Variants in LUZP2 observed in about 807,000 individuals in gnomAD.
The protein encoded by LUZP2 is leucine zipper protein 2.
In LUZP2, 52 loss-of-function variants were observed where a neutral mutation model predicts 51.6. The ratio of observed to expected loss-of-function variants is 1.01; its 90% CI spans 0.81 to 1.27. The LOEUF (loss-of-function observed/expected upper bound fraction) is 1.27. LUZP2 is among the 50% of genes most tolerant of loss of function. LUZP2 has a pLI of 0.00. For missense variants in LUZP2, 436 were observed against 395.4 expected (o/e 1.10, Z -0.87); for synonymous variants, 154 against 137.3 (o/e 1.12, Z -0.85).
intron 5 of LUZP2, among the ~76,000 whole-genome samples, chr11:24,874,514 C>T (rs995286396): frequency 6.6e-6 from 1 of 152,100 alleles, no homozygotes; most frequent in Non-Finnish European, 1.5e-5. Context: ...GCACTCCAAT[C>T]CCACTGTGCC....
chr11:24,552,770 C>T (rs1851757779), intron 1 of LUZP2, among the ~76,000 whole-genome samples: 1 of 151,760 alleles, frequency 6.6e-6, no homozygotes, highest in Non-Finnish European at 1.5e-5. Context: ...TCTGGGTAAA[C>T]ATTTAAATCC....
chr11:24,512,891 A>C (rs569291358), intron 1 of LUZP2, among the ~76,000 whole-genome samples: 1 of 152,070 alleles, frequency 6.6e-6, no homozygotes, highest in South Asian at 2.1e-4. Context: ...CTGGGACTGC[A>C]GGCACATGCT....
At chr11:24,805,635 A>G (rs1199399978) in intron 5 of LUZP2, among the ~76,000 whole-genome samples, 1 of 152,208 alleles carries the variant, frequency 6.6e-6, no homozygotes, top group East Asian at 1.9e-4. Context: ...AATGTCAGAA[A>G]TAATCCCTGG....
Position 24,983,208 on chromosome 11 carries a change from G to A in LUZP2, c.680G>A (p.Ser227Asn). 6.2e-7 allele frequency: 1 copy of A among 1,612,228 alleles called. No individual in the cohort carries two copies. Residue 227 changes from serine to asparagine, a missense_variant, in exon 9 of 12, where the codon AGT becomes AAT. Transcript: ENST00000336930. ...CGTGATCAGCCTCCTCCCCCTTTGA[G>A]TTTAATCACATCAAATCCAACTCGG... Reference protein sequence around the residue: ...VFRDQPPPPLSLITSNPTRML... With the variant: ...VFRDQPPPPLNLITSNPTRML...
intron 1 of LUZP2, among the ~76,000 whole-genome samples, chr11:24,570,099 C>T (rs1852385478): frequency 6.6e-6 from 1 of 151,980 alleles, no homozygotes; most frequent in South Asian, 2.1e-4. Context: ...ATCCAAATTA[C>T]TCTTTATTCA....
At chr11:24,511,232 T>G (rs1850300568) in intron 1 of LUZP2, among the ~76,000 whole-genome samples, 1 of 152,196 alleles carries the variant, frequency 6.6e-6, no homozygotes, top group Non-Finnish European at 1.5e-5. Context: ...AGTAAGCCCT[T>G]ATTTAATGCC....
At chr11:24,857,608 G>T (rs1003433419) in intron 5 of LUZP2, among the ~76,000 whole-genome samples, 14 of 149,882 alleles carry the variant, frequency 9.3e-5, no homozygotes, top group Non-Finnish European at 1.5e-5. Context: ...TTAAATCAGT[G>T]CTAATATATG....
intron 5 of LUZP2, among the ~76,000 whole-genome samples, chr11:24,795,554 GA>G (rs1849523148): frequency 6.6e-6 from 1 of 152,088 alleles, no homozygotes; most frequent in Non-Finnish European, 1.5e-5. Flanking sequence ...TCATGATTAA[GA>G]AACAAAGGCC....
intron 7 of LUZP2, among the ~76,000 whole-genome samples, chr11:24,930,472 T>C (rs1360283620): frequency 2.0e-5 from 3 of 152,180 alleles, no homozygotes; most frequent in African/African-American, 4.8e-5. Context: ...GATTCATCTT[T>C]ATTTATGAAG....
At chr11:24,809,387 T>C (rs1484166440) in intron 5 of LUZP2, among the ~76,000 whole-genome samples, 1 of 152,018 alleles carries the variant, frequency 6.6e-6, no homozygotes, top group African/African-American at 2.4e-5. Flanking sequence ...GTTTCCTTTT[T>C]ACTGCACACT....
At chr11:24,830,357 A>T (rs1191102011) in intron 5 of LUZP2, among the ~76,000 whole-genome samples, 2 of 152,128 alleles carry the variant, frequency 1.3e-5, no homozygotes, top group African/African-American at 4.8e-5. Flanking sequence ...TATTGTCCAT[A>T]TGATTCTCCT....
At chr11:24,884,131 C>G (rs114501616) in intron 5 of LUZP2, among the ~76,000 whole-genome samples, 531 of 152,100 alleles carry the variant, frequency 3.5e-3, no homozygotes, top group African/African-American at 0.01. Context: ...TTATTCTGCA[C>G]AGTTGGAACT....
At chr11:24,588,620 CAAAT>C (rs1274671799) in intron 1 of LUZP2, among the ~76,000 whole-genome samples, 3 of 100,004 alleles carry the variant, frequency 3.0e-5, no homozygotes, top group Admixed American at 1.3e-4. Context: ...TAGAAACAAA[CAAAT>C]AAAGGAATAA....
chr11:25,035,096 G>A (rs1857810538), intron 9 of LUZP2, among the ~76,000 whole-genome samples: 1 of 152,024 alleles, frequency 6.6e-6, no homozygotes, highest in Non-Finnish European at 1.5e-5. Context: ...AAATCAAAAA[G>A]CTTGAACCAT....
At chr11:24,551,007 T>A (rs11028005) in intron 1 of LUZP2, among the ~76,000 whole-genome samples, 52,963 of 151,926 alleles carry the variant, frequency 0.35, 9,640 homozygotes, top group Middle Eastern at 0.49. Flanking sequence ...ATAACAGGTA[T>A]GCTTGTATCT....
chr11:24,899,299 C>G (rs571259952), intron 5 of LUZP2, among the ~76,000 whole-genome samples: 1 of 151,794 alleles, frequency 6.6e-6, no homozygotes, highest in South Asian at 2.1e-4. Context: ...AGAGTGTGAT[C>G]TTTTGTTTCA....
intron 1 of LUZP2, among the ~76,000 whole-genome samples, chr11:24,574,727 C>T (rs12284708): frequency 3.3e-5 from 5 of 151,702 alleles, no homozygotes; most frequent in African/African-American, 1.2e-4. Flanking sequence ...TTAAAGTTAT[C>T]CTATCCTCTC....
At chr11:24,989,055 G>A (rs1450082015) in intron 9 of LUZP2, among the ~76,000 whole-genome samples, 1 of 151,170 alleles carries the variant, frequency 6.6e-6, no homozygotes, top group Non-Finnish European at 1.5e-5. Flanking sequence ...AGCAGTGAGG[G>A]AAGAAAGAGG....
intron 9 of LUZP2, among the ~76,000 whole-genome samples, chr11:25,018,584 CATT>C (rs1857232807): frequency 6.8e-6 from 1 of 146,322 alleles, no homozygotes; most frequent in East Asian, 2.0e-4. Context: ...ATAATACTAT[CATT>C]ATTAATTCCT....
Sources: gnomAD v4.1 joint callset for allele counts (sites outside exome capture counted in the v4.1 genomes callset) on GRCh38, gnomAD v4.1.1 for gene constraint, MANE v1.5 for transcripts, NCBI Gene and HGNC (gene_info 2026-07-23, HGNC 2026-07-21) for gene names.